SETDB1: variants seen among roughly 807,000 people sequenced by gnomAD.
SETDB1 encodes histone-lysine N-methyltransferase SETDB1.
A neutral mutation model predicts 137.4 loss-of-function variants in SETDB1; 31 were observed. That is an observed-to-expected ratio of 0.23 (90% CI 0.17 to 0.30). The LOEUF is 0.30. Ranked by LOEUF, SETDB1 falls within the 10% of genes least tolerant of loss-of-function variation. The probability of loss-of-function intolerance (pLI) is 1.00; values close to 1 mark genes in which losing one functional copy is unlikely to be tolerated. For missense variants in SETDB1, 1,113 were observed against 1,631.5 expected (o/e 0.68, Z 5.47); for synonymous variants, 548 against 579.9 (o/e 0.95, Z 0.79).
intron 14 of SETDB1, among the ~76,000 whole-genome samples, chr1:150,957,765 A>G (rs967283576): frequency 6.6e-6 from 1 of 152,142 alleles, no homozygotes; most frequent in African/African-American, 2.4e-5. Flanking sequence ...GCGCAGTGGT[A>G]TGATCATAGC....
chr1:150,928,290 T>C (rs1157563926), intron 2 of SETDB1: 39 of 310,040 alleles, frequency 1.3e-4, no homozygotes, highest in Non-Finnish European at 4.3e-5. Context: ...AAACATTTTA[T>C]ACTTTATGAA....
rs200258097 is a variant in SETDB1, at chr1:150,961,099, C to T, written c.3040C>T (p.Arg1014Trp). 22 of 814,010 alleles carry T rather than the reference C, an allele frequency of 2.7e-5. No individual in the cohort carries two copies. The highest frequency in any genetic ancestry group is 9.0e-5 in the East Asian group (2 of 22,106). 50.4% of individuals were successfully genotyped at this position (814,010 alleles called of 1,614,324 possible). A position where few individuals can be genotyped will look rare whatever the true frequency, so the allele number is the denominator to read the frequency against. ...SFKTNEGGEGRAGGSRMEAEK... is the reference protein window; with the variant it reads ...SFKTNEGGEGWAGGSRMEAEK... ...CAAGACTAATGAAGGTGGGGAGGGC[C>T]GGGCTGGGGGAAGCCGAATGGAGGC... The change falls in exon 16 of 22, where the codon CGG (arginine) becomes TGG (tryptophan). Residue 1014 changes from arginine to tryptophan, a missense_variant. Arg to Trp is a moderately radical substitution (Grantham distance 101, BLOSUM62 -3). Coordinates refer to ENST00000692827, the MANE Select transcript of SETDB1 (RefSeq NM_001366418.1).
At chr1:150,929,053 T>C (rs1669637430) in intron 2 of SETDB1, among the ~76,000 whole-genome samples, 1 of 152,208 alleles carries the variant, frequency 6.6e-6, no homozygotes, top group Non-Finnish European at 1.5e-5. Flanking sequence ...GCAATAAACA[T>C]ACGTGTGCAT....
chr1:150,951,134 T>A (rs753598294), intron 13 of SETDB1, 44 bp downstream of exon 13: 1 of 1,570,260 alleles, frequency 6.4e-7, no homozygotes, highest in Non-Finnish European at 8.7e-7. Flanking sequence ...CCAACTTTGT[T>A]ATGGTGTCTG....
At chr1:150,955,918 GTC>G (rs1558024289) in intron 14 of SETDB1, among the ~76,000 whole-genome samples, 1 of 151,654 alleles carries the variant, frequency 6.6e-6, no homozygotes, top group Non-Finnish European at 1.5e-5. Context: ...GTGAAACCCT[GTC>G]TCTACTAATA....
chr1:150,929,491 G>T (rs898052876), intron 2 of SETDB1, among the ~76,000 whole-genome samples: 7 of 151,826 alleles, frequency 4.6e-5, no homozygotes, highest in African/African-American at 1.7e-4. Flanking sequence ...CAGCTCTCCT[G>T]TCTCAGCCTC....
chr1:150,953,395 G>A (rs1207107137), intron 14 of SETDB1, among the ~76,000 whole-genome samples: 1 of 151,150 alleles, frequency 6.6e-6, no homozygotes, highest in Non-Finnish European at 1.5e-5. Flanking sequence ...GGATGGTGGC[G>A]AGCACCTGTA....
At chr1:150,931,086 C>T (rs750505288) in intron 3 of SETDB1, among the ~76,000 whole-genome samples, 3 of 151,158 alleles carry the variant, frequency 2.0e-5, no homozygotes, top group Non-Finnish European at 2.9e-5. Flanking sequence ...GTAGCAAGAC[C>T]TCATCTCTAC....
intron 15 of SETDB1, among the ~76,000 whole-genome samples, chr1:150,960,025 A>G (rs34985895): frequency 0.34 from 51,535 of 151,410 alleles, 9,251 homozygotes; most frequent in South Asian, 0.51. Context: ...GTGAGCCGAG[A>G]TCATGCCACT....
At chr1:150,961,375 G>T (rs932504522) in intron 16 of SETDB1, 184 bp downstream of exon 16, 7 of 633,860 alleles carry the variant, frequency 1.1e-5, no homozygotes, top group Non-Finnish European at 1.9e-5. Flanking sequence ...ATTATTGACC[G>T]GGCACAGTGG....
In SETDB1 at chr1:150,960,799, G is replaced by C; in HGVS notation, c.2740G>C (p.Asp914His). 6.2e-7 allele frequency: 1 copy of C among 1,609,060 alleles called. No individual in the cohort carries two copies. The highest frequency in any genetic ancestry group is 8.5e-7 in the Non-Finnish European group (1 of 1,177,672). The change falls in exon 16 of 22, where the codon GAT becomes CAT. Residue 914 changes from aspartate (D) to histidine (H), a missense_variant. By Grantham distance (81) the Asp-to-His change is moderately conservative. Transcript: ENST00000692827. ...DDSSDDNFCKDEDFSTSSVWR... is the reference protein window; with the variant it reads ...DDSSDDNFCKHEDFSTSSVWR... Reference sequence around the variant, plus strand: ...TAGCTCAGATGATAACTTCTGTAAGGATGAGGACTTCAGCACCAGTTCAGT... The same window carrying C: ...TAGCTCAGATGATAACTTCTGTAAGCATGAGGACTTCAGCACCAGTTCAGT...
intron 13 of SETDB1, 66 bp downstream of exon 13, chr1:150,951,156 C>T (rs1670481027): frequency 6.6e-7 from 1 of 1,511,822 alleles, no homozygotes; most frequent in African/African-American, 1.4e-5. Context: ...TTCACCTCTT[C>T]CTTTGCCTTG....
At chr1:150,938,467 G>A (rs1330839122) in intron 3 of SETDB1, among the ~76,000 whole-genome samples, 2 of 151,992 alleles carry the variant, frequency 1.3e-5, no homozygotes, top group African/African-American at 2.4e-5. Context: ...AGTGATGTTA[G>A]TTTAATTACC....
In SETDB1 at chr1:150,946,957, C is replaced by T. The variant is rs1340921220; in HGVS notation, c.1212C>T (p.Ser404=). The part of the protein sequence containing the change: ...RLEPMFSMKT[S]SASALEKKQG... ...AGCCCATGTTCAGCATGAAAACATC[C>T]TCAGCCTCTGCACTGGAGAAGAAGC... Residue 404 remains serine (S), a synonymous_variant, in exon 10 of 22, where the codon TCC becomes TCT. Transcript: ENST00000692827. 6.2e-7 allele frequency: 1 copy of T among 1,614,184 alleles called. No homozygotes were observed. Among genetic ancestry groups the T allele is most frequent in the South Asian group, 1.1e-5 (1 of 91,088 alleles).
intron 15 of SETDB1, among the ~76,000 whole-genome samples, chr1:150,959,700 A>G (rs1670761161): frequency 6.6e-6 from 1 of 152,242 alleles, no homozygotes; most frequent in Admixed American, 6.5e-5. Flanking sequence ...AGAAATGGAA[A>G]GACAGAAAGG....
At position 150,944,958 on chromosome 1, in the gene SETDB1, T is replaced by C; in HGVS notation, c.990T>C (p.Arg330=). Residue 330 remains arginine (R), a synonymous_variant, in exon 9 of 22, where the codon CGT becomes CGC. Transcript: ENST00000692827. ...AGGACATAGAAGACATCTCCTGCCG[T>C]GACTTCATAGAGGAGTATGTCACTG... ...TWEDIEDISC[R]DFIEEYVTAY... is the part of the protein sequence containing the mutation. 1 of 1,614,138 alleles carries C rather than the reference T, an allele frequency of 6.2e-7. No individual in the cohort carries two copies. Among genetic ancestry groups the C allele is most frequent in the East Asian group, 2.2e-5 (1 of 44,892 alleles).
intron 1 of SETDB1, chr1:150,926,920 C>G (rs1483193141): frequency 4.0e-6 from 2 of 495,048 alleles, no homozygotes; most frequent in Non-Finnish European, 8.2e-6. Flanking sequence ...AAGTAAAATT[C>G]CACATGGAAG....
chr1:150,935,317 G>A (rs981631979), intron 3 of SETDB1, among the ~76,000 whole-genome samples: 1 of 152,076 alleles, frequency 6.6e-6, no homozygotes, highest in Non-Finnish European at 1.5e-5. Context: ...TGACTGGGAT[G>A]TATCCAAGTT....
Position 150,949,202 on chromosome 1 carries a change from C to A in SETDB1, c.1348C>A (p.Pro450Thr), listed in dbSNP as rs1219946551. The change falls in exon 11 of 22, where the codon CCC becomes ACC. Residue 450 changes from proline to threonine, a missense_variant. This residue lies in a region of SETDB1 where 192 missense variants were observed against 198.1 expected (regional missense o/e 0.97). Coordinates refer to ENST00000692827, the MANE Select transcript of SETDB1 (RefSeq NM_001366418.1). ...TGGAACCCAGTTCAAGCCAGTGGAA[C>A]CCCCACAGCCTACAGCTCCACCTGC... ...GTGTQFKPVEPPQPTAPPAPP... is the reference protein window; with the variant it reads ...GTGTQFKPVETPQPTAPPAPP... 1 of 1,614,010 alleles carries A rather than the reference C, an allele frequency of 6.2e-7. No homozygotes were observed. The highest frequency in any genetic ancestry group is 8.5e-7 in the Non-Finnish European group (1 of 1,179,958).
Sources: gnomAD v4.1 joint callset for allele counts (sites outside exome capture counted in the v4.1 genomes callset) on GRCh38, gnomAD v4.1.1 for gene constraint, gnomAD v4.1.1 regional missense constraint, MANE v1.5 for transcripts, NCBI Gene and HGNC (gene_info 2026-07-23, HGNC 2026-07-21) for gene names.